Variants in CSPP1 observed in about 807,000 individuals in gnomAD.
The protein encoded by CSPP1 is centrosome and spindle pole-associated protein 1.
A neutral mutation model predicts 164.4 loss-of-function variants in CSPP1; 126 were observed. The ratio of observed to expected loss-of-function variants is 0.77; its 90% confidence interval spans 0.66 to 0.89. The LOEUF (loss-of-function observed/expected upper bound fraction) is 0.89, where lower values mean the gene tolerates loss of function less well. Ranked by LOEUF, CSPP1 falls within the 40% of genes least tolerant of loss-of-function variation. The probability of loss-of-function intolerance (pLI) is 0.00; values close to 1 mark genes in which losing one functional copy is unlikely to be tolerated. For missense variants in CSPP1, 1,395 were observed against 1,449.8 expected, an observed-to-expected ratio of 0.96 and a Z score of 0.61; for synonymous variants, 472 against 476.7, an observed-to-expected ratio of 0.99 and a Z score of 0.13.
chr8:67,099,404 G>C (rs1484943252), intron 7 of CSPP1: 1 of 152,076 alleles, frequency 6.6e-6, no homozygotes, highest in Non-Finnish European at 1.5e-5. Context: ...TATTTAGATA[G>C]ATTACTTTTG....
intron 29 of CSPP1, among the ~76,000 whole-genome samples, 180 bp from the exon 30 acceptor site, chr8:67,193,284 A>C (rs1263323161): frequency 6.6e-6 from 1 of 152,012 alleles, no homozygotes; most frequent in Non-Finnish European, 1.5e-5. Context: ...TTTAGTAGAG[A>C]TGGGGTTTCA....
Position 67,068,684 on chromosome 8 carries a change from G to A in CSPP1, c.-11+4146G>A, listed in dbSNP as rs565129681. Among the ~76,000 whole-genome samples, 6 of 152,288 alleles carry A rather than the reference G, an allele frequency of 3.9e-5. No homozygotes were observed. The South Asian group carries it at 6.2e-4, about 16-fold the overall frequency. On this transcript the variant is annotated intron_variant, in intron 1 of 30. Transcript: ENST00000678616. Reference sequence around the variant, plus strand: ...AGGAGTGAGAAAAAGAAAAGTGGCCGTGATATCTAGAAACTGGTATTGCTA... The same window carrying A: ...AGGAGTGAGAAAAAGAAAAGTGGCCATGATATCTAGAAACTGGTATTGCTA...
intron 15 of CSPP1, 64 bp from the exon 16 acceptor site, chr8:67,131,887 T>G (rs1821303761): frequency 2.9e-6 from 4 of 1,398,896 alleles, no homozygotes; most frequent in African/African-American, 1.5e-5. Flanking sequence ...TTCAAAAAAC[T>G]GTTGTATTTT....
chr8:67,107,628 C>T (rs16933160), intron 9 of CSPP1, among the ~76,000 whole-genome samples: 18,725 of 152,040 alleles, frequency 0.12, 2,267 homozygotes, highest in African/African-American at 0.31. Flanking sequence ...AGGAAACTTA[C>T]GATTTCCAGA....
chr8:67,195,852 CTA>C lies in CSPP1; in HGVS notation c.*263_*264del. ...GGTGGTAATGAACTGGATTGAACTA[CTA>C]TATGTGCATTATATTGAATTCTGCT... On this transcript the variant is annotated 3_prime_UTR_variant, in exon 31 of 31. Transcript: ENST00000678616. The C allele has an allele frequency of 2.5e-6, 1 of 398,828 alleles. No individual in the cohort carries two copies. The highest frequency in any genetic ancestry group is 4.8e-5 in the East Asian group (1 of 20,980). The allele number at this position is 398,828 out of a possible 1,614,324, so 24.7% of individuals were successfully genotyped here.
At chr8:67,107,300 G>A (rs1815777848) in intron 9 of CSPP1, among the ~76,000 whole-genome samples, 1 of 152,124 alleles carries the variant, frequency 6.6e-6, no homozygotes, top group African/African-American at 2.4e-5. Context: ...TGCCTGCCTT[G>A]GCCTCCCAAA....
chr8:67,088,128 T>A (rs1180540772), intron 4 of CSPP1, among the ~76,000 whole-genome samples: 1 of 152,166 alleles, frequency 6.6e-6, no homozygotes, highest in Non-Finnish European at 1.5e-5. Context: ...TCCTCTGGTA[T>A]CAGATATCTA....
intron 24 of CSPP1, among the ~76,000 whole-genome samples, chr8:67,165,814 C>A (rs1829201472): frequency 6.6e-6 from 1 of 152,210 alleles, no homozygotes; most frequent in African/African-American, 2.4e-5. Context: ...AGAAAGTTAA[C>A]TATTCTTTGG....
chr8:67,098,503 CAT>C (rs1168050126), intron 7 of CSPP1, among the ~76,000 whole-genome samples: 1 of 151,776 alleles, frequency 6.6e-6, no homozygotes, highest in Non-Finnish European at 1.5e-5. Flanking sequence ...TTCCTAAACT[CAT>C]ATCATGAAAT....
chr8:67,129,539 TA>T (rs1820781936), intron 15 of CSPP1, among the ~76,000 whole-genome samples: 4 of 152,254 alleles, frequency 2.6e-5, no homozygotes, highest in Admixed American at 2.0e-4. Context: ...AAATAACATG[TA>T]GATGCAAAGA....
At chr8:67,126,566 G>C (rs1473518629) in intron 15 of CSPP1, among the ~76,000 whole-genome samples, 1 of 152,162 alleles carries the variant, frequency 6.6e-6, no homozygotes, top group Admixed American at 6.5e-5. Context: ...GCTGGGGCAT[G>C]CGTTCAGTAC....
intron 29 of CSPP1, among the ~76,000 whole-genome samples, chr8:67,191,407 C>A (rs530745593): frequency 2.6e-5 from 4 of 152,288 alleles, no homozygotes; most frequent in African/African-American, 9.6e-5. Flanking sequence ...TTGCTATTAG[C>A]GTTATTATAT....
At chr8:67,159,888 CTT>C (rs1170303954) in intron 21 of CSPP1, among the ~76,000 whole-genome samples, 1 of 64,826 alleles carries the variant, frequency 1.5e-5, no homozygotes, top group African/African-American at 7.6e-5. Flanking sequence ...TTCTTTCTTT[CTT>C]TCTTTCTTTC....
chr8:67,153,993 T>TA, intron 18 of CSPP1, 31 bp from the exon 19 acceptor site: 1 of 954,362 alleles, frequency 1.0e-6, no homozygotes, highest in South Asian at 1.3e-5. Context: ...CATTGGCTAA[T>TA]AGTATGTTTT....
chr8:67,074,148 G>T (rs1807405203), intron 1 of CSPP1, 95 bp from the exon 2 acceptor site: 5 of 642,020 alleles, frequency 7.8e-6, no homozygotes, highest in South Asian at 7.3e-5. Context: ...TTTGATAAGT[G>T]AGATTGAAAA....
chr8:67,118,580 T>C (rs1470668057), intron 14 of CSPP1, among the ~76,000 whole-genome samples, 163 bp from the exon 15 acceptor site: 1 of 152,164 alleles, frequency 6.6e-6, no homozygotes, highest in Non-Finnish European at 1.5e-5. Context: ...AACGATTGTG[T>C]TTTCTTATGT....
chr8:67,085,212 T>C (rs1810130902), intron 3 of CSPP1, among the ~76,000 whole-genome samples: 1 of 152,138 alleles, frequency 6.6e-6, no homozygotes, highest in Non-Finnish European at 1.5e-5. Context: ...TTAATGCCAC[T>C]GAATTGAATG....
intron 17 of CSPP1, among the ~76,000 whole-genome samples, chr8:67,144,741 G>A (rs1824156465): frequency 6.6e-6 from 1 of 152,010 alleles, no homozygotes; most frequent in Non-Finnish European, 1.5e-5. Context: ...GAGCCACATC[G>A]CCTAGCTGGG....
intron 28 of CSPP1, among the ~76,000 whole-genome samples, chr8:67,183,916 G>C (rs1054238785): frequency 3.6e-5 from 5 of 138,788 alleles, no homozygotes; most frequent in African/African-American, 1.4e-4. Flanking sequence ...GTGATGGCGT[G>C]ATCTTGGCTC....
Sources: allele counts gnomAD v4.1 joint callset (sites outside exome capture counted in the v4.1 genomes callset), GRCh38; gene constraint gnomAD v4.1.1; transcripts MANE v1.5; gene names NCBI Gene and HGNC (gene_info 2026-07-23, HGNC 2026-07-21).